SORCS2: variants seen among roughly 807,000 people sequenced by gnomAD.
The protein encoded by SORCS2 is sortilin related VPS10 domain containing receptor 2, also known as VPS10 domain-containing receptor SorCS2.
A neutral mutation model predicts 141.6 loss-of-function variants in SORCS2; 100 were observed. That is an observed-to-expected ratio of 0.71 (90% CI 0.60 to 0.83). SORCS2 has a LOEUF of 0.83. Among genes scored for constraint, SORCS2 ranks in the 40% least tolerant of loss-of-function variants. SORCS2 has a pLI of 0.00. For missense variants in SORCS2, 1,646 were observed against 1,560.2 expected, an observed-to-expected ratio of 1.05 and a Z score of -0.93; for synonymous variants, 789 against 676.9, an observed-to-expected ratio of 1.17 and a Z score of -2.57.
intron 2 of SORCS2, chr4:7,433,906 C>A: frequency 6.2e-7 from 1 of 1,613,854 alleles, no homozygotes; most frequent in Non-Finnish European, 8.5e-7. Context: ...CATTACCGAG[C>A]ACACGCGCTC....
At chr4:7,738,350 G>T (rs73794755) in intron 26 of SORCS2, among the ~76,000 whole-genome samples, 1,990 of 152,344 alleles carry the variant, frequency 0.013, 48 homozygotes, top group African/African-American at 0.046. Flanking sequence ...AGCCGAGGAG[G>T]CAGGCTCTTC....
At chr4:7,425,775 G>A (rs1352562449) in intron 2 of SORCS2, among the ~76,000 whole-genome samples, 2 of 152,228 alleles carry the variant, frequency 1.3e-5, no homozygotes, top group African/African-American at 4.8e-5. Context: ...TGACCAGCCT[G>A]GGGTCCCCAC....
At chr4:7,340,702 T>C (rs1033008304) in intron 1 of SORCS2, among the ~76,000 whole-genome samples, 4 of 152,158 alleles carry the variant, frequency 2.6e-5, no homozygotes, top group African/African-American at 9.7e-5. Context: ...CAGGCCCCAC[T>C]TGCAGCTAGA....
intron 2 of SORCS2, among the ~76,000 whole-genome samples, chr4:7,475,195 T>G (rs10004803): frequency 0.14 from 21,821 of 152,022 alleles, 2,142 homozygotes; most frequent in African/African-American, 0.26. Context: ...GTTGGGGGCA[T>G]AGGGTGCCGC....
intron 3 of SORCS2, among the ~76,000 whole-genome samples, chr4:7,543,062 A>T (rs1326982717): frequency 6.6e-6 from 1 of 152,228 alleles, no homozygotes; most frequent in Non-Finnish European, 1.5e-5. Context: ...GTCAGTGGCC[A>T]GCACATGGCA....
intron 2 of SORCS2, among the ~76,000 whole-genome samples, chr4:7,405,069 A>G (rs1048219717): frequency 2.0e-5 from 3 of 152,144 alleles, no homozygotes; most frequent in Non-Finnish European, 2.9e-5. Flanking sequence ...ATTCTTCTGC[A>G]TAGGACAATT....
rs181605383 is a variant in SORCS2, at chr4:7,730,874, A to T, written c.3108+1162A>T. 6.8e-4 allele frequency among the ~76,000 whole-genome samples: 104 copies of T among 152,380 alleles called. 1 individual carries two copies. Among genetic ancestry groups the T allele is most frequent in the African/African-American group, 2.4e-3 (101 of 41,588 alleles). On this transcript the variant is annotated intron_variant, in intron 23 of 26. Coordinates refer to ENST00000507866, the MANE Select transcript of SORCS2 (RefSeq NM_020777.3). ...TAAATTGTACACTTTAAAAGAGTAA[A>T]TGTTATTATCAGTTTCTAAAAATGA...
intron 3 of SORCS2, among the ~76,000 whole-genome samples, chr4:7,536,832 T>TGTGG (rs1712162866): frequency 1.6e-4 from 1 of 6,106 alleles, no homozygotes; most frequent in African/African-American, 2.2e-4. Flanking sequence ...TACTCAGATG[T>TGTGG]GGGGGGGGGG....
chr4:7,245,430 G>C (rs1713018625), intron 1 of SORCS2, among the ~76,000 whole-genome samples: 1 of 152,244 alleles, frequency 6.6e-6, no homozygotes, highest in South Asian at 2.1e-4. Context: ...GAACAATTAG[G>C]TTAGCACAGT....
chr4:7,324,778 CA>C (rs1358155110), intron 1 of SORCS2, among the ~76,000 whole-genome samples: 1 of 152,182 alleles, frequency 6.6e-6, no homozygotes, highest in East Asian at 1.9e-4. Context: ...GTGGGGAAGC[CA>C]GGGGTGAAAA....
intron 2 of SORCS2, among the ~76,000 whole-genome samples, chr4:7,469,337 G>A (rs975226522): frequency 3.9e-5 from 6 of 152,136 alleles, no homozygotes; most frequent in South Asian, 2.1e-4. Flanking sequence ...AAAATAGAAC[G>A]CAGAGACAGT....
In SORCS2 at chr4:7,740,264, A is replaced by T. The variant is rs1240680035; in HGVS notation, c.3480A>T (p.Ter1160CysextTer103). 2 of 1,609,076 alleles carry T rather than the reference A, an allele frequency of 1.2e-6. No homozygotes were observed. Among genetic ancestry groups the T allele is most frequent in the African/African-American group, 2.7e-5 (2 of 74,994 alleles). ...SREMHSYLVS[*>C] ...AGATGCACAGCTACCTGGTGAGCTGATGCCACCCCAGCATCTGTCTTTTCA... is the reference window on the plus strand; with the variant it reads ...AGATGCACAGCTACCTGGTGAGCTGTTGCCACCCCAGCATCTGTCTTTTCA... The change falls in exon 27 of 27, where the codon TGA (stop) becomes TGT (cysteine). Residue 1160 changes from the stop codon to cysteine (C), a stop_lost. Coordinates refer to ENST00000507866, the MANE Select transcript of SORCS2 (RefSeq NM_020777.3).
At position 7,648,886 on chromosome 4, in the gene SORCS2, G is replaced by C. The variant is rs1401249115; in HGVS notation, c.814-5248G>C. ...GGGAGTGGACTGAGTGACACAGGAT[G>C]TCCTGGATCTGAGGAGCTAGAGGCC... On this transcript the variant is annotated intron_variant, in intron 4 of 26. Transcript: ENST00000507866. The surrounding 1 kb of genome is among the most constrained non-coding windows in gnomAD (Gnocchi z 4.2). 6.6e-6 allele frequency among the ~76,000 whole-genome samples: 1 copy of C among 152,160 alleles called. No homozygotes were observed. The highest frequency in any genetic ancestry group is 1.5e-5 in the Non-Finnish European group (1 of 68,020).
chr4:7,288,229 C>T (rs1716357585), intron 1 of SORCS2, among the ~76,000 whole-genome samples: 1 of 152,194 alleles, frequency 6.6e-6, no homozygotes, highest in Non-Finnish European at 1.5e-5. Context: ...AGCAGGCCAG[C>T]TGGACCACGA....
chr4:7,535,898 C>T (rs1218492111), intron 3 of SORCS2, among the ~76,000 whole-genome samples: 2 of 152,256 alleles, frequency 1.3e-5, no homozygotes, highest in East Asian at 3.8e-4. Flanking sequence ...CGTGGCATGT[C>T]CCGCCCACAC....
At chr4:7,469,103 T>C (rs1729806476) in intron 2 of SORCS2, among the ~76,000 whole-genome samples, 1 of 151,856 alleles carries the variant, frequency 6.6e-6, no homozygotes, top group South Asian at 2.1e-4. Flanking sequence ...CTGGCTGTGA[T>C]GGTGGTGGTG....
At chr4:7,227,206 G>T (rs1729041824) in intron 1 of SORCS2, among the ~76,000 whole-genome samples, 1 of 152,244 alleles carries the variant, frequency 6.6e-6, no homozygotes, top group Non-Finnish European at 1.5e-5. Context: ...GGCCAGCAGT[G>T]CTTCAGGCCT....
At chr4:7,662,694 G>A (rs1412620908) in intron 6 of SORCS2, among the ~76,000 whole-genome samples, 1 of 152,238 alleles carries the variant, frequency 6.6e-6, no homozygotes, top group African/African-American at 2.4e-5. Flanking sequence ...CAGAGCTTCA[G>A]CTGGCCCTGG....
intron 11 of SORCS2, among the ~76,000 whole-genome samples, chr4:7,696,648 C>G (rs903015410): frequency 1.3e-5 from 2 of 152,198 alleles, no homozygotes; most frequent in African/African-American, 4.8e-5. Flanking sequence ...AAACCCAAAC[C>G]ACATTCTGCA....
Sources: gnomAD v4.1 joint callset for allele counts (sites outside exome capture counted in the v4.1 genomes callset) on GRCh38, gnomAD v4.1.1 for gene constraint, Gnocchi (gnomAD v3.1) non-coding constraint, MANE v1.5 for transcripts, NCBI Gene and HGNC (gene_info 2026-07-23, HGNC 2026-07-21) for gene names.